The following ME3 variants were observed in gnomAD, a reference collection of about 807,000 sequenced individuals.
The protein encoded by ME3 is malic enzyme 3.
ME3 carries 48 observed loss-of-function variants against 68.9 expected under a neutral mutation model. The ratio of observed to expected loss-of-function variants is 0.70; its 90% CI spans 0.55 to 0.89. The LOEUF (loss-of-function observed/expected upper bound fraction) is 0.89, where lower values mean the gene tolerates loss of function less well. ME3 is among the 40% of genes least tolerant of loss of function. The pLI, the probability that ME3 is intolerant of heterozygous loss-of-function variation, is 0.00. For synonymous variants in ME3, 320 were observed against 318.8 expected (o/e 1.00, Z -0.04); for missense variants, 675 against 797.4 (o/e 0.85, Z 1.85).
chr11:86,625,080 T>A lies in ME3; in HGVS notation c.183+46682A>T, dbSNP rs916965951. On this transcript the variant is annotated intron_variant, in intron 2 of 14. Coordinates refer to ENST00000543262, the Ensembl canonical transcript of ME3. ...GAAGAAACACTTCTGTTTTCAGTAC[T>A]TTTAATTAAATATTTTTCTTTAGTA... Among the ~76,000 whole-genome samples, 52 of 152,328 alleles carry A rather than the reference T, an allele frequency of 3.4e-4. 1 individual carries two copies. The highest frequency in any genetic ancestry group is 1.1e-3 in the African/African-American group (46 of 41,572).
At chr11:86,609,142 C>T (rs1274459600) in intron 2 of ME3, among the ~76,000 whole-genome samples, 3 of 152,116 alleles carry the variant, frequency 2.0e-5, no homozygotes, top group Non-Finnish European at 4.4e-5. Context: ...TGTAGTGATG[C>T]CTGGATTTGA....
Position 86,460,322 on chromosome 11 carries a change from C to T in ME3, c.919+4769G>A, listed in dbSNP as rs149681628. On this transcript the variant is annotated intron_variant, in intron 8 of 14. Transcript: ENST00000543262. ...GGGAGCTCTCTTCCCTTCAAGTGCT[C>T]GGGCTTCAGAGGCCCAGCCCCTTGG... Among the ~76,000 whole-genome samples, 450 of 152,304 alleles carry T rather than the reference C, an allele frequency of 3.0e-3. 2 individuals are homozygous for T. The highest frequency in any genetic ancestry group is 1.0e-2 in the African/African-American group (414 of 41,560).
At position 86,649,667 on chromosome 11, in the gene ME3, A is replaced by G. The variant is rs189712189; in HGVS notation, c.183+22095T>C. On this transcript the variant is annotated intron_variant, in intron 2 of 14. Coordinates refer to ENST00000543262, the Ensembl canonical transcript of ME3. ...AAATCACAAGCATTCATATACACCA[A>G]TAATAGACAAACAGCCAAATAATGA... 1.5e-4 allele frequency among the ~76,000 whole-genome samples: 23 copies of G among 152,346 alleles called. No homozygotes were observed. The East Asian group carries it at 1.5e-3, about 10-fold the overall frequency.
chr11:86,451,113 G>T (rs1476832363), intron 8 of ME3, among the ~76,000 whole-genome samples: 7 of 152,230 alleles, frequency 4.6e-5, no homozygotes, highest in Admixed American at 4.6e-4. Context: ...CCAATAAAAG[G>T]TAATGGTGAA....
intron 4 of ME3, among the ~76,000 whole-genome samples, chr11:86,554,076 T>G (rs1009521611): frequency 5.9e-5 from 9 of 152,230 alleles, no homozygotes; most frequent in Admixed American, 2.0e-4. Flanking sequence ...CATTAAGATA[T>G]GTAAATTCAG....
chr11:86,526,515 T>C (rs371924159), intron 4 of ME3, among the ~76,000 whole-genome samples: 1 of 152,112 alleles, frequency 6.6e-6, no homozygotes, highest in Non-Finnish European at 1.5e-5. Flanking sequence ...GCGTTGAAGA[T>C]AGTAGTGGTT....
intron 4 of ME3, among the ~76,000 whole-genome samples, chr11:86,524,399 A>C (rs1954570523): frequency 6.6e-6 from 1 of 152,268 alleles, no homozygotes; most frequent in African/African-American, 2.4e-5. Context: ...AGGTTTGAGA[A>C]GTAGTCACAC....
At chr11:86,596,217 G>T (rs1245414175) in intron 2 of ME3, among the ~76,000 whole-genome samples, 1 of 152,048 alleles carries the variant, frequency 6.6e-6, no homozygotes, top group Admixed American at 6.6e-5. Flanking sequence ...ACCCCATAAT[G>T]CTTTAATAAT....
At chr11:86,588,047 A>C (rs1958842405) in intron 2 of ME3, among the ~76,000 whole-genome samples, 1 of 152,222 alleles carries the variant, frequency 6.6e-6, no homozygotes, top group Admixed American at 6.5e-5. Flanking sequence ...AAGATCATAC[A>C]AAGTCCTTTG....
intron 4 of ME3, among the ~76,000 whole-genome samples, chr11:86,551,850 T>A (rs548979730): frequency 1.2e-4 from 19 of 152,324 alleles, no homozygotes; most frequent in African/African-American, 4.6e-4. Flanking sequence ...CCACAGAGCT[T>A]CCGACTACAT....
chr11:86,493,051 G>T (rs1267710038), intron 6 of ME3, among the ~76,000 whole-genome samples: 1 of 152,140 alleles, frequency 6.6e-6, no homozygotes, highest in Non-Finnish European at 1.5e-5. Flanking sequence ...CCTAGCAAGG[G>T]CATCCTCATG....
chr11:86,631,511 A>C (rs764206503), intron 2 of ME3, among the ~76,000 whole-genome samples: 1 of 152,168 alleles, frequency 6.6e-6, no homozygotes, highest in African/African-American at 2.4e-5. Flanking sequence ...ATCCAAACGC[A>C]TATCAGAATC....
At chr11:86,461,044 G>T (rs1005192554) in intron 8 of ME3, among the ~76,000 whole-genome samples, 2 of 152,234 alleles carry the variant, frequency 1.3e-5, no homozygotes, top group African/African-American at 4.8e-5. Context: ...GATGACAGCA[G>T]CAGGATGCCA....
chr11:86,653,241 A>C (rs558358476), intron 2 of ME3, among the ~76,000 whole-genome samples: 19 of 152,326 alleles, frequency 1.2e-4, no homozygotes, highest in African/African-American at 3.6e-4. Context: ...TACACCAAGC[A>C]GACCTAATAG....
chr11:86,453,186 G>C (rs534196948), intron 8 of ME3, among the ~76,000 whole-genome samples: 145 of 152,218 alleles, frequency 9.5e-4, no homozygotes, highest in South Asian at 1.7e-3. Flanking sequence ...TTTTAGTAGA[G>C]ACAACGTTTT....
At chr11:86,479,416 G>C (rs75863490) in intron 7 of ME3, among the ~76,000 whole-genome samples, 1,935 of 152,282 alleles carry the variant, frequency 0.013, 43 homozygotes, top group African/African-American at 0.044. Flanking sequence ...TATTGGTTCT[G>C]TTACTCTGGA....
intron 4 of ME3, among the ~76,000 whole-genome samples, chr11:86,515,889 A>C (rs912179491): frequency 6.6e-6 from 1 of 152,226 alleles, no homozygotes; most frequent in Admixed American, 6.5e-5. Context: ...GGGAAAACAC[A>C]GGAAGCCGCA....
chr11:86,487,460 T>A lies in ME3; in HGVS notation c.706-20A>T. The A allele has an allele frequency of 6.3e-7, 1 of 1,599,972 alleles. No individual in the cohort carries two copies. Among genetic ancestry groups the A allele is most frequent in the South Asian group, 1.1e-5 (1 of 90,370 alleles). ...CAGCTCCTGGAACAGACAGCACCCA[T>A]TGACTGAGCCTACTCCCGGTGTTCC... On this transcript the variant is annotated intron_variant, in intron 6 of 14. Transcript: ENST00000543262.
At chr11:86,472,582 C>G (rs1950844266) in intron 7 of ME3, among the ~76,000 whole-genome samples, 1 of 152,176 alleles carries the variant, frequency 6.6e-6, no homozygotes, top group South Asian at 2.1e-4. Context: ...GCATAGACAG[C>G]TTTGAGACTG....
Sources: allele counts gnomAD v4.1 joint callset (sites outside exome capture counted in the v4.1 genomes callset), GRCh38; gene constraint gnomAD v4.1.1; transcripts MANE v1.5; gene names NCBI Gene and HGNC (gene_info 2026-07-23, HGNC 2026-07-21).